VGLL2: variants seen among roughly 807,000 people sequenced by gnomAD.
VGLL2 encodes transcription cofactor vestigial-like protein 2.
Under a neutral mutation model 27.0 loss-of-function variants are expected in VGLL2, and 18 were observed. The ratio of observed to expected loss-of-function variants is 0.67; its 90% confidence interval spans 0.46 to 0.99. The LOEUF (loss-of-function observed/expected upper bound fraction) is 0.99, where lower values mean the gene tolerates loss of function less well. VGLL2 is among the 50% of genes least tolerant of loss of function. The pLI is 0.00. For missense variants in VGLL2, 491 were observed against 452.3 expected, an observed-to-expected ratio of 1.09 and a Z score of -0.78; for synonymous variants, 220 against 201.1, an observed-to-expected ratio of 1.09 and a Z score of -0.80.
Position 117,270,794 on chromosome 6 carries a change from G to C in VGLL2, c.643G>C (p.Gly215Arg). The C allele has an allele frequency of 6.2e-6, 9 of 1,441,998 alleles. No individual in the cohort carries two copies. The highest frequency in any genetic ancestry group is 8.2e-6 in the Non-Finnish European group (9 of 1,102,582). The allele number at this position is 1,441,998 out of a possible 1,614,324, so 89.3% of individuals were successfully genotyped here. A position where few individuals can be genotyped will look rare whatever the true frequency, so the allele number is the denominator to read the frequency against. ...HHPYALGGAL[G>R]AQAAPYPRPA... ...CCCCTACGCCCTGGGCGGCGCCCTC[G>C]GCGCCCAGGCCGCCCCCTACCCGCG... The change falls in exon 3 of 4, where the codon GGC becomes CGC. Residue 215 changes from glycine (G) to arginine (R), a missense_variant. Gly to Arg is a moderately radical substitution (Grantham distance 125). Coordinates refer to ENST00000326274, the MANE Select transcript of VGLL2 (RefSeq NM_182645.3).
chr6:117,270,472 C>A, intron 2 of VGLL2, 71 bp from the exon 3 acceptor site: 1 of 1,481,350 alleles, frequency 6.8e-7, no homozygotes, highest in Non-Finnish European at 9.0e-7. Context: ...TGCAGGTCGG[C>A]GCTGAGTCCA....
In VGLL2 at chr6:117,273,483, A is replaced by G. The variant is rs1045602976; in HGVS notation, c.*989A>G. On this transcript the variant is annotated 3_prime_UTR_variant, in exon 4 of 4. Coordinates refer to ENST00000326274, the MANE Select transcript of VGLL2 (RefSeq NM_182645.3). ...GTGATTTGGTCACTTTAGTGTTGGGACAGGGGAAAGGGTCTGTGCGTGGGC... is the reference window on the plus strand; with the variant it reads ...GTGATTTGGTCACTTTAGTGTTGGGGCAGGGGAAAGGGTCTGTGCGTGGGC... The G allele has an allele frequency of 2.6e-5, 4 of 152,182 alleles. No individual in the cohort carries two copies. The highest frequency in any genetic ancestry group is 4.4e-5 in the Non-Finnish European group (3 of 68,050). 9.4% of individuals were successfully genotyped at this position (152,182 alleles called of 1,614,324 possible). A position where few individuals can be genotyped will look rare whatever the true frequency, so the allele number is the denominator to read the frequency against.
In VGLL2 at chr6:117,268,395, GTGGA is replaced by G; in HGVS notation, c.298_301del (p.Asp100AsnfsTer7). 8.7e-6 allele frequency: 14 copies of G among 1,614,046 alleles called. No homozygotes were observed. The highest frequency in any genetic ancestry group is 1.2e-5 in the Non-Finnish European group (14 of 1,180,010). On this transcript the variant is annotated frameshift_variant, in exon 2 of 4. Coordinates refer to ENST00000326274, the MANE Select transcript of VGLL2 (RefSeq NM_182645.3). ...TTTCCAGGGGGACATCAGCTCCGTG[GTGGA>G]TGAACATTTCAGCAGGGCCCTGAGC...
chr6:117,270,755 GC>G lies in VGLL2; in HGVS notation c.605del (p.Ala202GlyfsTer42). ...CTGGCACCACGCGCACCCGCACCACGCGCACCCGCATCACCCCTACGCCCTG... is the reference window on the plus strand; with the variant it reads ...CTGGCACCACGCGCACCCGCACCACGGCACCCGCATCACCCCTACGCCCTG... The part of the protein sequence containing the change: ...EPWHHAHPHH[A>X]HPHHPYALGG... On this transcript the variant is annotated frameshift_variant, in exon 3 of 4. Coordinates refer to ENST00000326274, the MANE Select transcript of VGLL2 (RefSeq NM_182645.3). The G allele has an allele frequency of 6.6e-7, 1 of 1,506,128 alleles. No individual in the cohort carries two copies. The allele number at this position is 1,506,128 out of a possible 1,614,324, so 93.3% of individuals were successfully genotyped here.
chr6:117,271,938 G>A (rs900750057), intron 3 of VGLL2, among the ~76,000 whole-genome samples: 4 of 152,224 alleles, frequency 2.6e-5, no homozygotes, highest in African/African-American at 9.6e-5. Context: ...TAGGGCAAAT[G>A]AAAGAAATAG....
rs947105938 is a variant in VGLL2 at position 117,273,053 on chromosome 6, T to C, written c.*559T>C. 13 of 152,898 alleles carry C rather than the reference T, an allele frequency of 8.5e-5. No individual in the cohort carries two copies. Among genetic ancestry groups the C allele is most frequent in the Admixed American group, 6.5e-4 (10 of 15,302 alleles). 9.5% of individuals were successfully genotyped at this position (152,898 alleles called of 1,614,324 possible). A position where few individuals can be genotyped will look rare whatever the true frequency, so the allele number is the denominator to read the frequency against. Reference sequence around the variant, plus strand: ...ACTTTTTTCCTTTGGACTGTGAACATGGAAGCCTCAGCCTGAATGTGAGTG... The same window carrying C: ...ACTTTTTTCCTTTGGACTGTGAACACGGAAGCCTCAGCCTGAATGTGAGTG... On this transcript the variant is annotated 3_prime_UTR_variant, in exon 4 of 4. Coordinates refer to ENST00000326274, the MANE Select transcript of VGLL2 (RefSeq NM_182645.3).
At position 117,268,361 on chromosome 6, in the gene VGLL2, C is replaced by T. The variant is rs2128516692; in HGVS notation, c.261C>T (p.Leu87=). The part of the protein sequence containing the change: ...EAEYINSRCV[L]FTYFQGDISS... ...AGTACATCAACTCCCGCTGCGTCCT[C>T]TTCACTTATTTCCAGGGGGACATCA... The change falls in exon 2 of 4, where the codon CTC becomes CTT. Residue 87 remains leucine (L), a synonymous_variant. Transcript: ENST00000326274. 6.2e-7 allele frequency: 1 copy of T among 1,614,144 alleles called. No individual in the cohort carries two copies. Among genetic ancestry groups the T allele is most frequent in the Non-Finnish European group, 8.5e-7 (1 of 1,180,032 alleles).
In VGLL2 at chr6:117,268,473, A is replaced by G. The variant is rs1338421023; in HGVS notation, c.373A>G (p.Ser125Gly). 1 of 1,611,452 alleles carries G rather than the reference A, an allele frequency of 6.2e-7. No homozygotes were observed. Among genetic ancestry groups the G allele is most frequent in the African/African-American group, 1.3e-5 (1 of 74,792 alleles). The change falls in exon 2 of 4, where the codon AGC (serine) becomes GGC (glycine). Residue 125 changes from serine to glycine, a missense_variant. Coordinates refer to ENST00000326274, the MANE Select transcript of VGLL2 (RefSeq NM_182645.3). Reference sequence around the variant, plus strand: ...CTGTACCAGCAGCAAAGCACCAAGGAGCTCTGGGCCCTGGCGAGGTGAGTA... The same window carrying G: ...CTGTACCAGCAGCAAAGCACCAAGGGGCTCTGGGCCCTGGCGAGGTGAGTA... Reference protein sequence around the residue: ...PSCTSSKAPRSSGPWRDCSFP... With the variant: ...PSCTSSKAPRGSGPWRDCSFP...
At chr6:117,271,247 A>C (rs2128517371) in intron 3 of VGLL2, among the ~76,000 whole-genome samples, 183 bp downstream of exon 3, 1 of 150,956 alleles carries the variant, frequency 6.6e-6, no homozygotes, top group South Asian at 2.1e-4. Context: ...GGGATGAGAA[A>C]GTAGGACCCT....
chr6:117,271,242 G>A (rs1175775467), intron 3 of VGLL2, among the ~76,000 whole-genome samples, 178 bp downstream of exon 3: 1 of 150,902 alleles, frequency 6.6e-6, no homozygotes, highest in East Asian at 1.9e-4. Flanking sequence ...TAGGCGGGAT[G>A]AGAAAGTAGG....
chr6:117,268,000 G>A (rs571292471), intron 1 of VGLL2, among the ~76,000 whole-genome samples, 182 bp from the exon 2 acceptor site: 19 of 152,284 alleles, frequency 1.2e-4, no homozygotes, highest in African/African-American at 4.1e-4. Flanking sequence ...TTGGGTGCAG[G>A]TTGGGAGGCC....
chr6:117,270,571 C>G lies in VGLL2; in HGVS notation c.420C>G (p.Ser140Arg). Residue 140 changes from serine (S) to arginine (R), a missense_variant, in exon 3 of 4, where the codon AGC becomes AGG. Physicochemically the swap from Ser to Arg is moderately radical, Grantham distance 110. Coordinates refer to ENST00000326274, the MANE Select transcript of VGLL2 (RefSeq NM_182645.3). ...RDCSFPMSQR[S>R]FPASFWNSAY... ...GCTCCTTCCCGATGAGCCAGCGCAG[C>G]TTCCCCGCCTCCTTCTGGAATAGCG... The G allele has an allele frequency of 6.3e-7, 1 of 1,599,030 alleles. No individual in the cohort carries two copies. Among genetic ancestry groups the G allele is most frequent in the East Asian group, 2.3e-5 (1 of 43,666 alleles).
At position 117,273,529 on chromosome 6, in the gene VGLL2, A is replaced by T. The variant is rs1773247824; in HGVS notation, c.*1035A>T. 1 of 152,248 alleles carries T rather than the reference A, an allele frequency of 6.6e-6. No homozygotes were observed. The highest frequency in any genetic ancestry group is 2.4e-5 in the African/African-American group (1 of 41,458). 9.4% of individuals were successfully genotyped at this position (152,248 alleles called of 1,614,324 possible). A position where few individuals can be genotyped will look rare whatever the true frequency, so the allele number is the denominator to read the frequency against. ...TGGGCAAAGCTGAAGGTGATGAGGA[A>T]GAAGAGACGAACATTAAAGATGTCT... On this transcript the variant is annotated 3_prime_UTR_variant, in exon 4 of 4. Transcript: ENST00000326274.
In VGLL2 at chr6:117,265,880, C is replaced by A. The variant is rs1371626639; in HGVS notation, c.81+36C>A. The A allele has an allele frequency of 1.3e-6, 2 of 1,582,030 alleles. No individual in the cohort carries two copies. The highest frequency in any genetic ancestry group is 2.2e-5 in the East Asian group (1 of 44,678). On this transcript the variant is annotated intron_variant, in intron 1 of 3. Coordinates refer to ENST00000326274, the MANE Select transcript of VGLL2 (RefSeq NM_182645.3). Reference sequence around the variant, plus strand: ...CCTCTGGGGACTTTGGGAAGGAGTGCGCGCCCCCCGTTTGCGGCGGCATGG... The same window carrying A: ...CCTCTGGGGACTTTGGGAAGGAGTGAGCGCCCCCCGTTTGCGGCGGCATGG...
rs548412919 is a variant in VGLL2, at chr6:117,269,506, A to G, written c.391+1015A>G. ...CTTAGACAAGATCCAAAAAACATTCATTTTAAATACAGAACATTCTTTTTA... is the reference window on the plus strand; with the variant it reads ...CTTAGACAAGATCCAAAAAACATTCGTTTTAAATACAGAACATTCTTTTTA... On this transcript the variant is annotated intron_variant, in intron 2 of 3. Transcript: ENST00000326274. Among the ~76,000 whole-genome samples, 8 of 152,332 alleles carry G rather than the reference A, an allele frequency of 5.3e-5. 1 individual carries two copies. In the South Asian group the frequency reaches 1.4e-3, roughly 28 times the overall value.
rs559778960 is a variant in VGLL2, at chr6:117,268,523, T to C, written c.391+32T>C. 38 of 1,531,132 alleles carry C rather than the reference T, an allele frequency of 2.5e-5. No homozygotes were observed. In the African/African-American group the frequency reaches 2.8e-4, roughly 11 times the overall value. The allele number at this position is 1,531,132 out of a possible 1,614,324, so 94.8% of individuals were successfully genotyped here. A position where few individuals can be genotyped will look rare whatever the true frequency, so the allele number is the denominator to read the frequency against. On this transcript the variant is annotated intron_variant, in intron 2 of 3. Transcript: ENST00000326274. ...ATAGGGCCCTGCTGGGAAGGACCCA[T>C]AGGGGGTCCTCTCAGCCTGGGGTTC...
chr6:117,272,256 C>T lies in VGLL2; in HGVS notation c.914-198C>T. On this transcript the variant is annotated intron_variant, in intron 3 of 3. Transcript: ENST00000326274. Reference sequence around the variant, plus strand: ...TCTTCTTCTCTCTCTCCCTCTCCCTCTCTTTCCCTCCCTCTCCACCTCCTC... The same window carrying T: ...TCTTCTTCTCTCTCTCCCTCTCCCTTTCTTTCCCTCCCTCTCCACCTCCTC... 3 of 967,706 alleles carry T rather than the reference C, an allele frequency of 3.1e-6. No homozygotes were observed. In the South Asian group the frequency reaches 1.4e-4, roughly 46 times the overall value. 59.9% of individuals were successfully genotyped at this position (967,706 alleles called of 1,614,324 possible).
intron 1 of VGLL2, among the ~76,000 whole-genome samples, chr6:117,267,556 G>T (rs1773093227): frequency 6.6e-6 from 1 of 151,974 alleles, no homozygotes; most frequent in African/African-American, 2.4e-5. Context: ...CCCCAGTCAT[G>T]TTACCCCAGA....
intron 3 of VGLL2, among the ~76,000 whole-genome samples, chr6:117,272,042 A>G (rs210975): frequency 0.16 from 23,723 of 150,424 alleles, 2,683 homozygotes; most frequent in African/African-American, 0.32. Flanking sequence ...TTTTACTTTC[A>G]GTCACCGCCC....
Sources: gnomAD v4.1 joint callset for allele counts (sites outside exome capture counted in the v4.1 genomes callset) on GRCh38, gnomAD v4.1.1 for gene constraint, MANE v1.5 for transcripts, NCBI Gene and HGNC (gene_info 2026-07-23, HGNC 2026-07-21) for gene names.